VTI1A: variants seen among roughly 807,000 people sequenced by gnomAD.
VTI1A encodes vesicle transport through interaction with t-SNAREs homolog 1A.
In VTI1A, 22 loss-of-function variants were observed where a neutral mutation model predicts 34.9. The observed-to-expected ratio is 0.63, with a 90% CI of 0.45 to 0.90. VTI1A has a LOEUF of 0.90. Ranked by LOEUF, VTI1A falls within the 40% of genes least tolerant of loss-of-function variation. VTI1A has a pLI of 0.00. For missense variants in VTI1A, 268 were observed against 275.6 expected (o/e 0.97, Z 0.20); for synonymous variants, 87 against 97.3 (o/e 0.89, Z 0.62).
intron 5 of VTI1A, among the ~76,000 whole-genome samples, chr10:112,601,115 C>G (rs920163993): frequency 2.6e-5 from 4 of 152,058 alleles, no homozygotes; most frequent in Non-Finnish European, 4.4e-5. Flanking sequence ...TTAGGGAAAC[C>G]TTCATTGTGG....
intron 7 of VTI1A, among the ~76,000 whole-genome samples, chr10:112,722,894 C>T (rs1849863754): frequency 6.6e-6 from 1 of 152,152 alleles, no homozygotes; most frequent in Admixed American, 6.5e-5. Context: ...TTTTGTAATT[C>T]AGCTTCTTGT....
intron 7 of VTI1A, among the ~76,000 whole-genome samples, chr10:112,758,079 T>C (rs1462703334): frequency 6.6e-6 from 1 of 152,176 alleles, no homozygotes; most frequent in African/African-American, 2.4e-5. Context: ...CAAATAGCAG[T>C]TATGCAATAA....
intron 5 of VTI1A, among the ~76,000 whole-genome samples, chr10:112,633,387 G>A (rs905824554): frequency 6.6e-6 from 1 of 152,114 alleles, no homozygotes; most frequent in South Asian, 2.1e-4. Context: ...GGAAACCTCC[G>A]AATTCTCCAT....
At chr10:112,678,861 T>C (rs773012772) in intron 7 of VTI1A, among the ~76,000 whole-genome samples, 2 of 152,188 alleles carry the variant, frequency 1.3e-5, no homozygotes, top group Non-Finnish European at 2.9e-5. Flanking sequence ...GAGTTATAGA[T>C]ATACATCACA....
At chr10:112,744,356 C>A (rs1222192077) in intron 7 of VTI1A, among the ~76,000 whole-genome samples, 1 of 151,806 alleles carries the variant, frequency 6.6e-6, no homozygotes, top group Admixed American at 6.6e-5. Flanking sequence ...TATTTCCTTG[C>A]AGAAATATCA....
chr10:112,552,795 C>G (rs147932363), intron 5 of VTI1A, among the ~76,000 whole-genome samples: 111 of 152,198 alleles, frequency 7.3e-4, no homozygotes, highest in African/African-American at 2.5e-3. Context: ...GAATGCACAC[C>G]CCATATAGTT....
At chr10:112,524,060 T>C (rs192795795) in intron 3 of VTI1A, among the ~76,000 whole-genome samples, 6 of 152,224 alleles carry the variant, frequency 3.9e-5, no homozygotes, top group Admixed American at 3.9e-4. Flanking sequence ...AAAGGTAACA[T>C]AACTTATTGA....
chr10:112,695,374 AT>A (rs34990443), intron 7 of VTI1A, among the ~76,000 whole-genome samples: 22,845 of 151,042 alleles, frequency 0.15, 1,966 homozygotes, highest in Middle Eastern at 0.23. Flanking sequence ...TTCAAATGAC[AT>A]TTTTTTTTAA....
intron 7 of VTI1A, among the ~76,000 whole-genome samples, chr10:112,728,130 A>G (rs760765164): frequency 5.9e-5 from 9 of 152,216 alleles, no homozygotes; most frequent in Non-Finnish European, 1.3e-4. Context: ...AAAGTTTCTC[A>G]GGTTCTGTGG....
chr10:112,802,093 T>A (rs1001425891), intron 7 of VTI1A, among the ~76,000 whole-genome samples: 3 of 151,924 alleles, frequency 2.0e-5, no homozygotes, highest in Non-Finnish European at 4.4e-5. Flanking sequence ...CTAAAAAAAA[T>A]TTTAAATTAG....
chr10:112,838,763 G>A, the VTI1A span, among the ~76,000 whole-genome samples: 16 of 152,212 alleles, frequency 1.1e-4, no homozygotes, highest in Non-Finnish European at 1.9e-4. Context: ...TGGCGCCACG[G>A]AAGTGCACTG....
intron 5 of VTI1A, among the ~76,000 whole-genome samples, chr10:112,659,732 C>T (rs936919228): frequency 1.6e-4 from 25 of 152,196 alleles, no homozygotes; most frequent in African/African-American, 4.8e-4. Context: ...CACACGCGCA[C>T]GCGCGTGCAT....
chr10:112,710,126 A>C lies in VTI1A; in HGVS notation c.560+41128A>C, dbSNP rs553009711. On this transcript the variant is annotated intron_variant, in intron 7 of 7. Coordinates refer to ENST00000393077, the MANE Select transcript of VTI1A (RefSeq NM_145206.4). Reference sequence around the variant, plus strand: ...AAGCACTCAGCACAGTTGCATTCACATGGAAGGTGCTTGGTAAATATTGGC... The same window carrying C: ...AAGCACTCAGCACAGTTGCATTCACCTGGAAGGTGCTTGGTAAATATTGGC... Among the ~76,000 whole-genome samples, 35 of 150,634 alleles carry C rather than the reference A, an allele frequency of 2.3e-4. 1 individual carries two copies. Among genetic ancestry groups the C allele is most frequent in the Admixed American group, 2.6e-4 (4 of 15,108 alleles).
chr10:112,672,542 G>A (rs1847887653), intron 7 of VTI1A, among the ~76,000 whole-genome samples: 1 of 152,208 alleles, frequency 6.6e-6, no homozygotes, highest in East Asian at 1.9e-4. Flanking sequence ...TAATGAAAAT[G>A]GTCATGAAAC....
intron 3 of VTI1A, among the ~76,000 whole-genome samples, chr10:112,507,462 C>T (rs1255736078): frequency 6.6e-6 from 1 of 152,178 alleles, no homozygotes; most frequent in Non-Finnish European, 1.5e-5. Context: ...AATATTTTCT[C>T]TCAGCCCTTC....
chr10:112,656,905 C>T (rs954553184), intron 5 of VTI1A, among the ~76,000 whole-genome samples: 1 of 152,024 alleles, frequency 6.6e-6, no homozygotes, highest in African/African-American at 2.4e-5. Context: ...TAGTGCCATC[C>T]CCTCAATGCC....
At position 112,668,903 on chromosome 10, in the gene VTI1A, A is replaced by G. The variant is rs377139076; in HGVS notation, c.499-34A>G. On this transcript the variant is annotated intron_variant, in intron 6 of 7. Coordinates refer to ENST00000393077, the MANE Select transcript of VTI1A (RefSeq NM_145206.4). ...TGCACTTTAGAAATAATCTAATTGC[A>G]TGAACTTCTGTTTTGTTTTGTTTCT... 1.2e-5 allele frequency: 20 copies of G among 1,608,718 alleles called. 1 individual carries two copies. The highest frequency in any genetic ancestry group is 1.7e-4 in the Middle Eastern group (1 of 6,058).
chr10:112,583,094 A>G (rs938154725), intron 5 of VTI1A, among the ~76,000 whole-genome samples: 2 of 152,172 alleles, frequency 1.3e-5, no homozygotes, highest in African/African-American at 4.8e-5. Flanking sequence ...TTATAGAGAT[A>G]AAGAAAGGAA....
intron 3 of VTI1A, among the ~76,000 whole-genome samples, chr10:112,489,472 T>C (rs1848750884): frequency 6.6e-6 from 1 of 152,222 alleles, no homozygotes; most frequent in South Asian, 2.1e-4. Context: ...CCAGAACTGC[T>C]CTTTGGGGAA....
Sources: allele counts gnomAD v4.1 joint callset (sites outside exome capture counted in the v4.1 genomes callset), GRCh38; gene constraint gnomAD v4.1.1; transcripts MANE v1.5; gene names NCBI Gene and HGNC (gene_info 2026-07-23, HGNC 2026-07-21).